Variants in BRME1 observed in about 807,000 individuals in gnomAD.
BRME1 encodes break repair meiotic recombinase recruitment factor 1, also known as BRCA2 and MEILB2-associating protein 1.
A neutral mutation model predicts 52.6 loss-of-function variants in BRME1; 31 were observed. The ratio of observed to expected loss-of-function variants is 0.59; its 90% CI spans 0.44 to 0.80. The LOEUF is 0.80. Among genes scored for constraint, BRME1 ranks in the 30% least tolerant of loss-of-function variants. BRME1 has a pLI of 0.00. For missense variants in BRME1, 804 were observed against 860.3 expected (o/e 0.93, Z 0.82); for synonymous variants, 359 against 353.6 (o/e 1.02, Z -0.17).
chr19:13,899,283 C>T (rs1006084490), intron 2 of BRME1, among the ~76,000 whole-genome samples: 1 of 151,466 alleles, frequency 6.6e-6, no homozygotes. Flanking sequence ...TGATTGGCTG[C>T]GACTACAGGT....
At position 13,883,269 on chromosome 19, in the gene BRME1, C is replaced by T. The variant is rs1349396498; in HGVS notation, c.1856+39G>A. On this transcript the variant is annotated intron_variant, in intron 8 of 8. Coordinates refer to ENST00000586783, the MANE Select transcript of BRME1 (RefSeq NM_001345843.2). The surrounding 1 kb of genome is among the most constrained non-coding windows in gnomAD (Gnocchi z 4.2). ...GCTCCTCTGAGTCCCCACTGGCCTC[C>T]CGCAGACCCTGTGCCGTGAGTCCAA... 6.7e-7 allele frequency: 1 copy of T among 1,496,276 alleles called. No individual in the cohort carries two copies. 92.7% of individuals were successfully genotyped at this position (1,496,276 alleles called of 1,614,324 possible). A position where few individuals can be genotyped will look rare whatever the true frequency, so the allele number is the denominator to read the frequency against.
In BRME1 at chr19:13,882,568, C is replaced by G; in HGVS notation, c.*234G>C. ...TGGAGCCCAGGCCCGCTTGAAGTCA[C>G]TGGGGCTGTGGGAGACACAGTTTCC... is the stretch of plus-strand genomic sequence containing the variant. On this transcript the variant is annotated 3_prime_UTR_variant, in exon 9 of 9. Transcript: ENST00000586783. 1 of 574,308 alleles carries G rather than the reference C, an allele frequency of 1.7e-6. No homozygotes were observed. The highest frequency in any genetic ancestry group is 3.0e-6 in the Non-Finnish European group (1 of 330,224). The allele number at this position is 574,308 out of a possible 1,614,324, so 35.6% of individuals were successfully genotyped here.
intron 2 of BRME1, among the ~76,000 whole-genome samples, chr19:13,898,084 G>T (rs1970031524): frequency 6.6e-6 from 1 of 151,876 alleles, no homozygotes; most frequent in Non-Finnish European, 1.5e-5. Flanking sequence ...GGGCAAGGGA[G>T]TGAGATTCCA....
rs997537504 is a variant in BRME1, at chr19:13,883,016, G to A, written c.1857-64C>T. ...GTCACCAGGTGACAGAGGGGGCCGC[G>A]CCTCACAGCCACATGGTCACCAATG... On this transcript the variant is annotated intron_variant, in intron 8 of 8. Transcript: ENST00000586783. The surrounding 1 kb of genome is among the most constrained non-coding windows in gnomAD (Gnocchi z 4.2). The A allele has an allele frequency of 3.3e-5, 52 of 1,560,980 alleles. No homozygotes were observed. Among genetic ancestry groups the A allele is most frequent in the African/African-American group, 9.6e-5 (7 of 73,146 alleles).
At chr19:13,896,692 A>AT (rs2145198587) in intron 2 of BRME1, among the ~76,000 whole-genome samples, 1 of 149,292 alleles carries the variant, frequency 6.7e-6, no homozygotes, top group African/African-American at 2.5e-5. Flanking sequence ...TACTATATAT[A>AT]TATTTTTTCT....
intron 6 of BRME1, among the ~76,000 whole-genome samples, chr19:13,886,796 CAA>C (rs61412091): frequency 9.4e-5 from 8 of 85,132 alleles, no homozygotes; most frequent in Admixed American, 2.7e-4. Flanking sequence ...CCTGTCTGTA[CAA>C]AAAAAAAAAA....
At chr19:13,898,539 G>A (rs1389583959) in intron 2 of BRME1, among the ~76,000 whole-genome samples, 1 of 152,054 alleles carries the variant, frequency 6.6e-6, no homozygotes, top group Non-Finnish European at 1.5e-5. Context: ...GAGCCCTGGA[G>A]GTTGAAGCTG....
chr19:13,895,401 G>C lies in BRME1; in HGVS notation c.177C>G (p.His59Gln). 6.2e-7 allele frequency: 1 copy of C among 1,613,828 alleles called. No individual in the cohort carries two copies. The highest frequency in any genetic ancestry group is 1.1e-5 in the South Asian group (1 of 91,048). Reference sequence around the variant, plus strand: ...AGACGGCCTTTCCTGGTTCCTCCCCGTGCTGCTGTGTAGAGGGAACAGGTC... The same window carrying C: ...AGACGGCCTTTCCTGGTTCCTCCCCCTGCTGCTGTGTAGAGGGAACAGGTC... ...KLGPVPSTQQ[H>Q]GEEPGKAVSS... The change falls in exon 3 of 9, where the codon CAC becomes CAG. Residue 59 changes from histidine (H) to glutamine (Q), a missense_variant. By Grantham distance (24) the His-to-Gln change is conservative. Around this residue, in one of 3 missense-constraint regions of BRME1, gnomAD observed 234 missense variants for 258.1 expected, o/e 0.91. Transcript: ENST00000586783.
At chr19:13,886,841 G>A (rs1300732361) in intron 6 of BRME1, among the ~76,000 whole-genome samples, 2 of 151,398 alleles carry the variant, frequency 1.3e-5, no homozygotes, top group Non-Finnish European at 2.9e-5. Context: ...GCACGCACCT[G>A]TGGTCCTAGC....
rs1242567675 is a variant in BRME1, at chr19:13,882,886, C to G, written c.1923G>C (p.Lys641Asn). ...AFKRLNYRKT[K>N]LGGKAPLPYP... is the part of the protein sequence containing the mutation. ...AAGGCAGGGGGGCTTTGCCTCCCAG[C>G]TTTGTCTTCCGGTAGTTAAGGCGCT... The change falls in exon 9 of 9, where the codon AAG (lysine) becomes AAC (asparagine). Residue 641 changes from lysine to asparagine, a missense_variant. By Grantham distance (94) the Lys-to-Asn change is moderately conservative. This residue lies in a region of BRME1 where 552 missense variants were observed against 561.1 expected (regional missense o/e 0.98). Transcript: ENST00000586783. 1 of 1,613,994 alleles carries G rather than the reference C, an allele frequency of 6.2e-7. No individual in the cohort carries two copies. The highest frequency in any genetic ancestry group is 1.3e-5 in the African/African-American group (1 of 75,032).
chr19:13,902,427 A>G (rs1970357726), intron 2 of BRME1, among the ~76,000 whole-genome samples: 1 of 152,032 alleles, frequency 6.6e-6, no homozygotes, highest in Admixed American at 6.6e-5. Flanking sequence ...TGAGGTTGGG[A>G]GTTCGAGACC....
At chr19:13,893,532 G>C (rs1419468023) in intron 3 of BRME1, among the ~76,000 whole-genome samples, 1 of 125,366 alleles carries the variant, frequency 8.0e-6, no homozygotes, top group African/African-American at 4.8e-5. Context: ...AAGGTTCTGT[G>C]TCAAAAACAA....
intron 5 of BRME1, among the ~76,000 whole-genome samples, chr19:13,891,536 C>T (rs1043750048): frequency 6.6e-6 from 1 of 151,908 alleles, no homozygotes; most frequent in Non-Finnish European, 1.5e-5. Flanking sequence ...GGTGTGATCA[C>T]GGCTCACTGT....
intron 2 of BRME1, among the ~76,000 whole-genome samples, chr19:13,897,818 G>A (rs186793046): frequency 6.6e-6 from 1 of 152,186 alleles, no homozygotes; most frequent in Admixed American, 6.6e-5. Flanking sequence ...TCCAGACTGT[G>A]CCACTGCACT....
rs1438900652 is a variant in BRME1, at chr19:13,897,860, C to CA, written c.32-2315dup. Among the ~76,000 whole-genome samples the CA allele has an allele frequency of 1.1e-4, 17 of 151,528 alleles. No individual in the cohort carries two copies. The East Asian group carries it at 3.3e-3, about 29-fold the overall frequency. On this transcript the variant is annotated intron_variant, in intron 2 of 8. Coordinates refer to ENST00000586783, the MANE Select transcript of BRME1 (RefSeq NM_001345843.2). The stretch of plus-strand genomic sequence containing the variant: ...TGGGCAACAGAACTAGAGCCTGTCT[C>CA]AAAAAAACATTTAAATTAAACATTT...
chr19:13,903,003 A>G (rs1351376621), intron 2 of BRME1, among the ~76,000 whole-genome samples: 1 of 151,698 alleles, frequency 6.6e-6, no homozygotes, highest in Non-Finnish European at 1.5e-5. Flanking sequence ...TCTACAGTTG[A>G]TCACTGTCCT....
At chr19:13,902,678 C>T (rs1479477366) in intron 2 of BRME1, among the ~76,000 whole-genome samples, 1 of 147,564 alleles carries the variant, frequency 6.8e-6, no homozygotes, top group Non-Finnish European at 1.5e-5. Flanking sequence ...ACTCCTGTAT[C>T]CCCAGCACTT....
chr19:13,897,032 C>T (rs1027437183), intron 2 of BRME1, among the ~76,000 whole-genome samples: 5 of 146,282 alleles, frequency 3.4e-5, no homozygotes, highest in Admixed American at 2.7e-4. Context: ...AACTCCCTTA[C>T]ATCGAAACTT....
chr19:13,903,233 G>A (rs955948750), intron 2 of BRME1, among the ~76,000 whole-genome samples: 2 of 152,182 alleles, frequency 1.3e-5, no homozygotes, highest in Middle Eastern at 3.4e-3. Flanking sequence ...GAGCTCTAAG[G>A]GCAGGATTCT....
Sources: allele counts gnomAD v4.1 joint callset (sites outside exome capture counted in the v4.1 genomes callset), GRCh38; gene constraint gnomAD v4.1.1; regional missense constraint gnomAD v4.1.1; non-coding constraint Gnocchi (gnomAD v3.1); transcripts MANE v1.5; gene names NCBI Gene and HGNC (gene_info 2026-07-23, HGNC 2026-07-21).